The following GRID1 variants were observed in gnomAD, a reference collection of about 807,000 sequenced individuals.
GRID1 encodes the protein glutamate ionotropic receptor delta type subunit 1, also known as glutamate receptor ionotropic, delta-1.
GRID1 carries 28 observed loss-of-function variants against 98.0 expected under a neutral mutation model. The ratio of observed to expected loss-of-function variants is 0.29; its 90% CI spans 0.21 to 0.39. GRID1 has a LOEUF of 0.39. GRID1 is among the 10% of genes least tolerant of loss of function. GRID1 has a pLI of 1.00. For synonymous variants in GRID1, 553 were observed against 538.5 expected, an observed-to-expected ratio of 1.03 and a Z score of -0.37; for missense variants, 1,111 against 1,340.5, an observed-to-expected ratio of 0.83 and a Z score of 2.67.
chr10:86,195,587 C>G lies in GRID1; in HGVS notation c.520+10777G>C, dbSNP rs1845860888. 6.6e-6 allele frequency among the ~76,000 whole-genome samples: 1 copy of G among 152,136 alleles called. No homozygotes were observed. The highest frequency in any genetic ancestry group is 2.4e-5 in the African/African-American group (1 of 41,454). Reference sequence around the variant, plus strand: ...CAAACCAAAAATCAGAGGCAGCGTGCCAGGTTCATGTGCAGCCTCCTACCC... The same window carrying G: ...CAAACCAAAAATCAGAGGCAGCGTGGCAGGTTCATGTGCAGCCTCCTACCC... On this transcript the variant is annotated intron_variant, in intron 3 of 15. Coordinates refer to ENST00000327946, the MANE Select transcript of GRID1 (RefSeq NM_017551.3). The surrounding 1 kb of genome is among the most constrained non-coding windows in gnomAD (Gnocchi z 4.4).
At chr10:85,696,574 A>ACAC (rs1439387977) in intron 12 of GRID1, among the ~76,000 whole-genome samples, 1 of 152,062 alleles carries the variant, frequency 6.6e-6, no homozygotes, top group African/African-American at 2.4e-5. Flanking sequence ...TTTCTTGGTT[A>ACAC]GTCTTGCTTG....
chr10:86,296,794 CATACATACATACAT>C (rs1847599108), intron 2 of GRID1, among the ~76,000 whole-genome samples: 1 of 87,654 alleles, frequency 1.1e-5, no homozygotes, highest in African/African-American at 1.3e-4. Context: ...CACATACATA[CATACATACATACAT>C]ACATACATAC....
At chr10:86,292,989 G>A (rs928655285) in intron 2 of GRID1, among the ~76,000 whole-genome samples, 1 of 152,092 alleles carries the variant, frequency 6.6e-6, no homozygotes, top group African/African-American at 2.4e-5. Flanking sequence ...TGGACTCTAC[G>A]AAAATCACAG....
intron 3 of GRID1, among the ~76,000 whole-genome samples, chr10:86,191,732 C>T (rs937416139): frequency 2.6e-5 from 4 of 152,196 alleles, no homozygotes; most frequent in Non-Finnish European, 5.9e-5. Context: ...CCATCTCTCC[C>T]ATTCATCCCT....
At chr10:86,051,589 C>T (rs552201226) in intron 4 of GRID1, among the ~76,000 whole-genome samples, 1 of 151,360 alleles carries the variant, frequency 6.6e-6, no homozygotes, top group Admixed American at 6.6e-5. Context: ...AAAACCCCTG[C>T]TATAAAGATT....
At chr10:85,967,455 G>C (rs1842351796) in intron 4 of GRID1, among the ~76,000 whole-genome samples, 1 of 152,128 alleles carries the variant, frequency 6.6e-6, no homozygotes, top group African/African-American at 2.4e-5. Flanking sequence ...AAATATATGA[G>C]ACATTCAGAA....
intron 4 of GRID1, among the ~76,000 whole-genome samples, chr10:86,118,559 G>T (rs1844619644): frequency 1.3e-5 from 2 of 152,156 alleles, no homozygotes; most frequent in Non-Finnish European, 2.9e-5. Context: ...AACGGATGTA[G>T]ATACTCCACT....
At chr10:85,895,806 C>A (rs73344627) in intron 5 of GRID1, among the ~76,000 whole-genome samples, 3,338 of 152,192 alleles carry the variant, frequency 0.022, 128 homozygotes, top group African/African-American at 0.076. Flanking sequence ...GACCCAGATG[C>A]AGATGATCCG....
chr10:85,987,496 C>CAGCCTTACCGCCCCCA (rs1842624513), intron 4 of GRID1, among the ~76,000 whole-genome samples: 1 of 34,070 alleles, frequency 2.9e-5, no homozygotes, highest in Admixed American at 3.3e-4. Flanking sequence ...ATCACGCCCC[C>CAGCCTTACCGCCCCCA]AGCCTTACCT....
chr10:86,129,891 G>A (rs1844808102), intron 4 of GRID1, among the ~76,000 whole-genome samples: 1 of 152,230 alleles, frequency 6.6e-6, no homozygotes, highest in Admixed American at 6.5e-5. Flanking sequence ...TTCATGGCTT[G>A]CTCTGGACAA....
chr10:85,730,537 G>A (rs1841810905), intron 8 of GRID1, among the ~76,000 whole-genome samples: 1 of 152,136 alleles, frequency 6.6e-6, no homozygotes, highest in Admixed American at 6.5e-5. Flanking sequence ...AGCCAATGTC[G>A]AGAACCCCTG....
At chr10:86,103,064 T>C (rs1239420987) in intron 4 of GRID1, among the ~76,000 whole-genome samples, 1 of 152,208 alleles carries the variant, frequency 6.6e-6, no homozygotes, top group Non-Finnish European at 1.5e-5. Flanking sequence ...GAACTGTGAA[T>C]CCATTTAACC....
chr10:86,164,352 A>G (rs1845367475), intron 3 of GRID1, among the ~76,000 whole-genome samples: 1 of 152,136 alleles, frequency 6.6e-6, no homozygotes, highest in Non-Finnish European at 1.5e-5. Flanking sequence ...CACCCCCAGC[A>G]GCACCAGGGA....
intron 4 of GRID1, among the ~76,000 whole-genome samples, chr10:86,113,299 C>T (rs1039697723): frequency 3.3e-5 from 5 of 152,182 alleles, no homozygotes; most frequent in African/African-American, 1.2e-4. Flanking sequence ...TCTCTGACCC[C>T]ACCATGCTGC....
At chr10:86,350,023 A>T (rs1170021957) in intron 2 of GRID1, among the ~76,000 whole-genome samples, 2 of 152,252 alleles carry the variant, frequency 1.3e-5, no homozygotes, top group Admixed American at 6.5e-5. Flanking sequence ...AGGAGGTAAG[A>T]TCAGAGGCAT....
intron 2 of GRID1, among the ~76,000 whole-genome samples, chr10:86,250,385 G>A (rs12775412): frequency 0.13 from 19,364 of 152,210 alleles, 1,581 homozygotes; most frequent in African/African-American, 0.23. Context: ...CCATGCACAG[G>A]TCTTCTTGGA....
At chr10:86,283,765 C>A (rs1274658672) in intron 2 of GRID1, among the ~76,000 whole-genome samples, 1 of 145,358 alleles carries the variant, frequency 6.9e-6, no homozygotes, top group South Asian at 2.3e-4. Flanking sequence ...ACTGCCCTTG[C>A]ACACACACCT....
chr10:86,232,030 A>G (rs755637544), intron 2 of GRID1, among the ~76,000 whole-genome samples: 2 of 152,110 alleles, frequency 1.3e-5, no homozygotes, highest in Non-Finnish European at 2.9e-5. Flanking sequence ...AGACTGGGGT[A>G]CCCTCTTCTC....
chr10:85,696,810 A>G (rs1841400120), intron 12 of GRID1, among the ~76,000 whole-genome samples: 1 of 152,004 alleles, frequency 6.6e-6, no homozygotes, highest in Non-Finnish European at 1.5e-5. Flanking sequence ...TTTAAGCACT[A>G]TTTTAGCTGT....
Sources: gnomAD v4.1 joint callset for allele counts (sites outside exome capture counted in the v4.1 genomes callset) on GRCh38, gnomAD v4.1.1 for gene constraint, Gnocchi (gnomAD v3.1) non-coding constraint, MANE v1.5 for transcripts, NCBI Gene and HGNC (gene_info 2026-07-23, HGNC 2026-07-21) for gene names.